Variants in DNAH9 observed in about 807,000 individuals in gnomAD.
The protein encoded by DNAH9 is dynein axonemal heavy chain 9.
In DNAH9, 345 loss-of-function variants were observed where a neutral mutation model predicts 471.6. The ratio of observed to expected loss-of-function variants is 0.73; its 90% CI spans 0.67 to 0.80. DNAH9 has a LOEUF of 0.80. DNAH9 is among the 30% of genes least tolerant of loss of function. The probability of loss-of-function intolerance (pLI) is 0.00; values close to 1 mark genes in which losing one functional copy is unlikely to be tolerated. For synonymous variants in DNAH9, 2,093 were observed against 2,123.6 expected, an observed-to-expected ratio of 0.99 and a Z score of 0.40; for missense variants, 5,407 against 5,609.2, an observed-to-expected ratio of 0.96 and a Z score of 1.15.
In DNAH9 at chr17:11,669,088, T is replaced by C. The variant is rs759638264; in HGVS notation, c.2756T>C (p.Ile919Thr). 10 of 1,613,400 alleles carry C rather than the reference T, an allele frequency of 6.2e-6. No individual in the cohort carries two copies. The African/African-American group carries it at 1.2e-4, about 19-fold the overall frequency. The change falls in exon 16 of 69, where the codon ATA becomes ACA. Residue 919 changes from isoleucine to threonine, a missense_variant. By Grantham distance (89) the Ile-to-Thr change is moderately conservative. Coordinates refer to ENST00000262442, the MANE Select transcript of DNAH9 (RefSeq NM_001372.4). ...NTECKAGLTP[I>T]FEAQLSLAIP... ...GAGTGTAAGGCAGGACTTACCCCAA[T>C]ATTTGAAGCACAACTGAGTCTAGCC...
At chr17:11,724,927 G>C (rs11651944) in intron 27 of DNAH9, among the ~76,000 whole-genome samples, 1 of 152,078 alleles carries the variant, frequency 6.6e-6, no homozygotes, top group African/African-American at 2.4e-5. Flanking sequence ...CCTTCAACTA[G>C]TTGGTTCCAA....
chr17:11,719,333 G>T lies in DNAH9; in HGVS notation c.5553-1G>T. On this transcript the variant is annotated splice_acceptor_variant, in intron 26 of 68. Coordinates refer to ENST00000262442, the MANE Select transcript of DNAH9 (RefSeq NM_001372.4). LOFTEE classifies it high-confidence loss of function. ...GACCTATGCCCTCCCGTGTTTGGCA[G>T]GTGCTACATCACCCTCACCCAGTCC... 1 of 1,613,752 alleles carries T rather than the reference G, an allele frequency of 6.2e-7. No homozygotes were observed. The highest frequency in any genetic ancestry group is 8.5e-7 in the Non-Finnish European group (1 of 1,179,838).
chr17:11,720,994 C>T (rs1346195527), intron 27 of DNAH9, among the ~76,000 whole-genome samples: 1 of 151,532 alleles, frequency 6.6e-6, no homozygotes, highest in Non-Finnish European at 1.5e-5. Flanking sequence ...TGAGCAATGG[C>T]AGCAGCACTG....
Position 11,689,875 on chromosome 17 carries a change from G to T in DNAH9, c.4053G>T (p.Arg1351Ser). 2 of 1,608,910 alleles carry T rather than the reference G, an allele frequency of 1.2e-6. No homozygotes were observed. Among genetic ancestry groups the T allele is most frequent in the South Asian group, 2.2e-5 (2 of 90,506 alleles). Residue 1351 changes from arginine to serine, a missense_variant, in exon 20 of 69, where the codon AGG becomes AGT. Arg to Ser is a moderately radical substitution (Grantham distance 110). This residue lies in a region of DNAH9 where 4,636 missense variants were observed against 4,900.3 expected (regional missense o/e 0.95). Coordinates refer to ENST00000262442, the MANE Select transcript of DNAH9 (RefSeq NM_001372.4). The stretch of plus-strand genomic sequence containing the variant: ...TCCGAAACCTGGACAAGGAGGTCAG[G>T]GCCTGGGATGCATTCACAGGCCTGG... ...RHIRNLDKEV[R>S]AWDAFTGLES... is the part of the protein sequence containing the mutation.
chr17:11,953,195 G>A (rs1417206827), intron 67 of DNAH9, among the ~76,000 whole-genome samples: 1 of 152,082 alleles, frequency 6.6e-6, no homozygotes, highest in Non-Finnish European at 1.5e-5. Flanking sequence ...TCCGTAGAGG[G>A]GGTTTTCTCA....
chr17:11,817,373 G>A (rs767069318), intron 45 of DNAH9, among the ~76,000 whole-genome samples: 1 of 152,170 alleles, frequency 6.6e-6, no homozygotes, highest in Non-Finnish European at 1.5e-5. Context: ...CATCATTTGA[G>A]CACGGAAAAT....
In DNAH9 at chr17:11,704,191, T is replaced by C. The variant is rs931176340; in HGVS notation, c.5152-12T>C. ...TGATAACAGCTTTACTAGGCAACTC[T>C]TGCTGCCACAGGTGGCCCTGACCTG... On this transcript the variant is annotated splice_polypyrimidine_tract_variant and intron_variant, in intron 24 of 68. Coordinates refer to ENST00000262442, the MANE Select transcript of DNAH9 (RefSeq NM_001372.4). 6.2e-7 allele frequency: 1 copy of C among 1,614,000 alleles called. No individual in the cohort carries two copies.
At chr17:11,916,713 G>A (rs1388695604) in intron 61 of DNAH9, among the ~76,000 whole-genome samples, 1 of 152,072 alleles carries the variant, frequency 6.6e-6, no homozygotes, top group African/African-American at 2.4e-5. Context: ...TCCTCTTTGG[G>A]TATTTGATTT....
Position 11,690,199 on chromosome 17 carries a change from C to A in DNAH9, c.4377C>A (p.Val1459=). The A allele has an allele frequency of 5.6e-6, 9 of 1,614,216 alleles. No individual in the cohort carries two copies. The highest frequency in any genetic ancestry group is 7.6e-6 in the Non-Finnish European group (9 of 1,180,036). Residue 1459 remains valine, a synonymous_variant, in exon 20 of 69, where the codon GTC becomes GTA. Transcript: ENST00000262442. ...ATGAGCCCCACCCACGGACCAATGT[C>A]CCCCTCCTGTGCTCTGATGAGGACC... is the stretch of plus-strand genomic sequence containing the variant. ...FQYEPHPRTN[V]PLLCSDEDLI... is the part of the protein sequence containing the mutation.
At chr17:11,925,217 A>C in intron 62 of DNAH9, 1 of 455,338 alleles carries the variant, frequency 2.2e-6, no homozygotes, top group South Asian at 1.6e-5. Flanking sequence ...TGAACATAGC[A>C]GACACTGAAA....
At chr17:11,831,399 A>C (rs1390250769) in intron 48 of DNAH9, among the ~76,000 whole-genome samples, 1 of 152,138 alleles carries the variant, frequency 6.6e-6, no homozygotes, top group African/African-American at 2.4e-5. Flanking sequence ...AAGGGAACTA[A>C]TAAAGTGAGA....
chr17:11,729,074 A>G (rs2075210990), intron 28 of DNAH9, among the ~76,000 whole-genome samples: 1 of 151,958 alleles, frequency 6.6e-6, no homozygotes, highest in African/African-American at 2.4e-5. Flanking sequence ...GCATCAGAGA[A>G]CCCCCAGAGA....
chr17:11,752,388 A>G (rs1326322857), intron 32 of DNAH9, among the ~76,000 whole-genome samples: 1 of 152,216 alleles, frequency 6.6e-6, no homozygotes, highest in African/African-American at 2.4e-5. Context: ...TAATGTTATG[A>G]AAAGTTAGAC....
chr17:11,948,839 G>A (rs1442618858), intron 67 of DNAH9, among the ~76,000 whole-genome samples: 1 of 152,176 alleles, frequency 6.6e-6, no homozygotes, highest in African/African-American at 2.4e-5. Flanking sequence ...AAACAGAGAG[G>A]AGCTAAGCCT....
At chr17:11,861,532 A>G (rs1183952678) in intron 50 of DNAH9, among the ~76,000 whole-genome samples, 2 of 152,074 alleles carry the variant, frequency 1.3e-5, no homozygotes, top group African/African-American at 2.4e-5. Flanking sequence ...TCCTTTGGGT[A>G]TATACCCAGT....
chr17:11,761,465 A>T (rs927672762), intron 35 of DNAH9, among the ~76,000 whole-genome samples: 1 of 152,186 alleles, frequency 6.6e-6, no homozygotes, highest in Non-Finnish European at 1.5e-5. Flanking sequence ...GAAATCTTTC[A>T]TCTGTTATTC....
intron 35 of DNAH9, 134 bp from the exon 36 acceptor site, chr17:11,763,306 C>T (rs1967793943): frequency 5.3e-6 from 4 of 752,994 alleles, no homozygotes; most frequent in Non-Finnish European, 8.9e-6. Context: ...AAGTGGCGCT[C>T]TGGTTGTCTG....
At chr17:11,911,005 T>G (rs1241601540) in intron 61 of DNAH9, among the ~76,000 whole-genome samples, 1 of 152,238 alleles carries the variant, frequency 6.6e-6, no homozygotes, top group East Asian at 1.9e-4. Flanking sequence ...CTAGTTGCTT[T>G]TTTAATGGTA....
Position 11,807,914 on chromosome 17 carries a change from C to G in DNAH9, c.8583+20C>G, listed in dbSNP as rs776405253. On this transcript the variant is annotated intron_variant, in intron 44 of 68. Transcript: ENST00000262442. ...TTCAAGGTAAAAGGTCAGGCAGCTG[C>G]AGGGAGGAGGCTCAGCTTCCCTCCA... is the stretch of plus-strand genomic sequence containing the variant. 6.3e-7 allele frequency: 1 copy of G among 1,587,182 alleles called. No individual in the cohort carries two copies. Among genetic ancestry groups the G allele is most frequent in the Non-Finnish European group, 8.6e-7 (1 of 1,159,550 alleles).
Sources: allele counts gnomAD v4.1 joint callset (sites outside exome capture counted in the v4.1 genomes callset), GRCh38; gene constraint gnomAD v4.1.1; regional missense constraint gnomAD v4.1.1; transcripts MANE v1.5; gene names NCBI Gene and HGNC (gene_info 2026-07-23, HGNC 2026-07-21).